SORT1: variants seen among roughly 807,000 people sequenced by gnomAD.
The protein encoded by SORT1 is sortilin.
SORT1 carries 39 observed loss-of-function variants against 101.7 expected under a neutral mutation model. The ratio of observed to expected loss-of-function variants is 0.38; its 90% CI spans 0.30 to 0.50. SORT1 has a LOEUF of 0.50. Among genes scored for constraint, SORT1 ranks in the 20% least tolerant of loss-of-function variants. SORT1 has a pLI of 0.90. For synonymous variants in SORT1, 396 were observed against 393.7 expected, an observed-to-expected ratio of 1.01 and a Z score of -0.07; for missense variants, 878 against 1,040.4, an observed-to-expected ratio of 0.84 and a Z score of 2.15.
intron 17 of SORT1, 102 bp from the exon 18 acceptor site, chr1:109,314,880 G>A: frequency 1.5e-6 from 1 of 653,832 alleles, no homozygotes; most frequent in South Asian, 1.7e-5. Context: ...TGAATGATCT[G>A]CAGTCCTGAT....
rs1459937864 is a variant in SORT1 at position 109,345,948 on chromosome 1, T to C, written c.833-67A>G. Reference sequence around the variant, plus strand: ...TGAGCCTAGTTCAAAGCAGTTGTTTTAGAATCAATCTTAATTTTATAGCTA... The same window carrying C: ...TGAGCCTAGTTCAAAGCAGTTGTTTCAGAATCAATCTTAATTTTATAGCTA... On this transcript the variant is annotated intron_variant, in intron 7 of 19. Transcript: ENST00000256637. The C allele has an allele frequency of 7.5e-6, 10 of 1,341,736 alleles. No homozygotes were observed. In the Admixed American group the frequency reaches 1.4e-4, roughly 19 times the overall value. The allele number at this position is 1,341,736 out of a possible 1,614,324, so 83.1% of individuals were successfully genotyped here.
At position 109,342,056 on chromosome 1, in the gene SORT1, C is replaced by T. The variant is rs369154828; in HGVS notation, c.1066G>A (p.Ala356Thr). Reference protein sequence around the residue: ...GQEQFYSILAANDDMVFMHVD... With the variant: ...GQEQFYSILATNDDMVFMHVD... ...TGCATGAATACCATGTCATCATTTG[C>T]TGCCAGAATAGAATAGAACTGTTCC... The change falls in exon 9 of 20, where the codon GCA becomes ACA. Residue 356 changes from alanine to threonine, a missense_variant. By Grantham distance (58) the Ala-to-Thr change is moderately conservative. Around this residue, in one of 2 missense-constraint regions of SORT1, gnomAD observed 684 missense variants for 894.5 expected, o/e 0.76. Coordinates refer to ENST00000256637, the MANE Select transcript of SORT1 (RefSeq NM_002959.7). 6.2e-7 allele frequency: 1 copy of T among 1,613,836 alleles called. No homozygotes were observed. The highest frequency in any genetic ancestry group is 2.2e-5 in the East Asian group (1 of 44,886).
chr1:109,355,522 C>T, intron 3 of SORT1, 53 bp from the exon 4 acceptor site: 1 of 817,680 alleles, frequency 1.2e-6, no homozygotes, highest in Non-Finnish European at 2.2e-6. Context: ...ATGGATATTA[C>T]TGAGTTCCTA....
At chr1:109,358,614 G>A (rs1650491313) in intron 3 of SORT1, among the ~76,000 whole-genome samples, 1 of 152,158 alleles carries the variant, frequency 6.6e-6, no homozygotes, top group African/African-American at 2.4e-5. Flanking sequence ...CCAGCACTTT[G>A]GGAGGCCAAG....
intron 5 of SORT1, among the ~76,000 whole-genome samples, chr1:109,352,896 T>C (rs1650055862): frequency 6.6e-6 from 1 of 152,210 alleles, no homozygotes; most frequent in East Asian, 1.9e-4. Context: ...GGGAGCTCTA[T>C]GGGTCTGTTC....
intron 17 of SORT1, among the ~76,000 whole-genome samples, chr1:109,315,699 C>T (rs1401871468): frequency 6.6e-6 from 1 of 151,670 alleles, no homozygotes; most frequent in East Asian, 1.9e-4. Context: ...TACACATCTC[C>T]AGTTCCACAG....
intron 1 of SORT1, among the ~76,000 whole-genome samples, chr1:109,372,953 G>C (rs1651580826): frequency 6.6e-6 from 1 of 151,704 alleles, no homozygotes; most frequent in Non-Finnish European, 1.5e-5. Context: ...CTACTCGGGA[G>C]GCTGAGGCAG....
At chr1:109,344,825 T>C (rs1458259682) in intron 8 of SORT1, among the ~76,000 whole-genome samples, 1 of 152,080 alleles carries the variant, frequency 6.6e-6, no homozygotes, top group East Asian at 1.9e-4. Flanking sequence ...GCCTCCCAAG[T>C]AGCTGAGACT....
intron 1 of SORT1, among the ~76,000 whole-genome samples, chr1:109,396,222 G>A (rs952859071): frequency 1.2e-4 from 19 of 152,206 alleles, no homozygotes; most frequent in African/African-American, 4.3e-4. Flanking sequence ...TCTAAATCCA[G>A]GAGTAGCAGC....
In SORT1 at chr1:109,311,650, T is replaced by A. The variant is rs546571692; in HGVS notation, c.*2393A>T. On this transcript the variant is annotated 3_prime_UTR_variant, in exon 20 of 20. Coordinates refer to ENST00000256637, the MANE Select transcript of SORT1 (RefSeq NM_002959.7). The stretch of plus-strand genomic sequence containing the variant: ...CCTCAATGAGGGGAGGGGCAGTTTC[T>A]GCAAACGTATTTAAAATTCCCATTA... 6.6e-6 allele frequency: 1 copy of A among 152,358 alleles called. No homozygotes were observed. The highest frequency in any genetic ancestry group is 2.1e-4 in the South Asian group (1 of 4,834). The allele number at this position is 152,358 out of a possible 1,614,324, so 9.4% of individuals were successfully genotyped here. A position where few individuals can be genotyped will look rare whatever the true frequency, so the allele number is the denominator to read the frequency against.
At chr1:109,328,113 A>G (rs1015066719) in intron 11 of SORT1, among the ~76,000 whole-genome samples, 64 of 152,168 alleles carry the variant, frequency 4.2e-4, no homozygotes, top group African/African-American at 1.5e-3. Flanking sequence ...ATCCACACAC[A>G]CCCCACACTT....
chr1:109,374,341 G>A (rs1651679173), intron 1 of SORT1, among the ~76,000 whole-genome samples: 4 of 152,256 alleles, frequency 2.6e-5, no homozygotes, highest in African/African-American at 9.6e-5. Flanking sequence ...GGGAGGCCAA[G>A]GTGGGCGGAT....
Position 109,316,896 on chromosome 1 carries a change from T to A in SORT1, c.2204A>T (p.Asp735Val), listed in dbSNP as rs1647257655. The stretch of plus-strand genomic sequence containing the variant: ...GTTGCTTGTGCATTTCTTTTTCAAG[T>A]CTTTTACTTCTCGAACTGGATTTAC... ...GGVNPVREVK[D>V]LKKKCTSNFL... The change falls in exon 17 of 20, where the codon GAC becomes GTC. Residue 735 changes from aspartate (D) to valine (V), a missense_variant. By Grantham distance (152) the Asp-to-Val change is radical. Around this residue, in one of 2 missense-constraint regions of SORT1, gnomAD observed 684 missense variants for 894.5 expected, o/e 0.76. Coordinates refer to ENST00000256637, the MANE Select transcript of SORT1 (RefSeq NM_002959.7). 1 of 1,612,416 alleles carries A rather than the reference T, an allele frequency of 6.2e-7. No homozygotes were observed. The highest frequency in any genetic ancestry group is 8.5e-7 in the Non-Finnish European group (1 of 1,179,408).
chr1:109,379,341 TTAA>T (rs2101643769), intron 1 of SORT1, among the ~76,000 whole-genome samples: 1 of 152,142 alleles, frequency 6.6e-6, no homozygotes, highest in East Asian at 1.9e-4. Flanking sequence ...TCATAATGTT[TTAA>T]GAAAGTTTAC....
rs971214126 is a variant in SORT1, at chr1:109,310,180, T to C, written c.*3863A>G. 6.6e-6 allele frequency: 1 copy of C among 152,622 alleles called. No homozygotes were observed. Among genetic ancestry groups the C allele is most frequent in the Non-Finnish European group, 1.5e-5 (1 of 68,030 alleles). The allele number at this position is 152,622 out of a possible 1,614,324, so 9.5% of individuals were successfully genotyped here. The stretch of plus-strand genomic sequence containing the variant: ...ATATATGTATATATGTACACACACA[T>C]ATATATAAAGGTACAGATTAGTTTA... On this transcript the variant is annotated 3_prime_UTR_variant, in exon 20 of 20. Transcript: ENST00000256637.
chr1:109,386,651 C>T (rs954522493), intron 1 of SORT1, among the ~76,000 whole-genome samples: 1 of 151,952 alleles, frequency 6.6e-6, no homozygotes, highest in African/African-American at 2.4e-5. Flanking sequence ...CCAGGAATCC[C>T]AGACCAGCCT....
chr1:109,323,732 T>C (rs1324258038), intron 14 of SORT1, among the ~76,000 whole-genome samples: 9 of 152,194 alleles, frequency 5.9e-5, no homozygotes, highest in Non-Finnish European at 1.2e-4. Context: ...CTAAAGACAG[T>C]GGATTAGGTT....
At chr1:109,378,258 G>T (rs539529432) in intron 1 of SORT1, among the ~76,000 whole-genome samples, 65 of 151,894 alleles carry the variant, frequency 4.3e-4, no homozygotes, top group Non-Finnish European at 7.8e-4. Context: ...ATAATAATAA[G>T]AAGAATCTCA....
chr1:109,367,926 A>G (rs529680032), intron 2 of SORT1, among the ~76,000 whole-genome samples: 1 of 152,116 alleles, frequency 6.6e-6, no homozygotes, highest in Admixed American at 6.5e-5. Flanking sequence ...TTATCTACCA[A>G]AAACTATGCA....
Sources: gnomAD v4.1 joint callset for allele counts (sites outside exome capture counted in the v4.1 genomes callset) on GRCh38, gnomAD v4.1.1 for gene constraint, gnomAD v4.1.1 regional missense constraint, MANE v1.5 for transcripts, NCBI Gene and HGNC (gene_info 2026-07-23, HGNC 2026-07-21) for gene names.